Variants in DDTL observed in about 807,000 individuals in gnomAD.
The protein encoded by DDTL is putative D-dopachrome decarboxylase-like protein.
DDTL carries 1 observed loss-of-function variant against 1.1 expected under a neutral mutation model. The observed-to-expected ratio is 0.91, with a 90% confidence interval of 0.32 to 4.31. DDTL has a LOEUF of 4.31. Ranked by LOEUF, DDTL falls within the 30% of genes most tolerant of loss-of-function variation. The pLI is 0.17. For synonymous variants in DDTL, 21 were observed against 16.6 expected (o/e 1.26, Z -0.64); for missense variants, 54 against 48.9 (o/e 1.10, Z -0.31).
rs1226689378 is a variant in DDTL, at chr22:23,971,907, G to C, written c.*501G>C. The stretch of plus-strand genomic sequence containing the variant: ...TACACTCTATCATCTCCATCAGTTT[G>C]TGTACTGAGGGGTACCCTGCCTCCT... On this transcript the variant is annotated 3_prime_UTR_variant, in exon 3 of 3. Transcript: ENST00000215770. 4 of 352,886 alleles carry C rather than the reference G, an allele frequency of 1.1e-5. No individual in the cohort carries two copies. The highest frequency in any genetic ancestry group is 2.0e-5 in the Non-Finnish European group (4 of 196,454). 21.9% of individuals were successfully genotyped at this position (352,886 alleles called of 1,614,324 possible).
At chr22:23,971,212 G>C (rs1418662062) in intron 2 of DDTL, 74 bp from the exon 3 acceptor site, 1 of 1,528,942 alleles carries the variant, frequency 6.5e-7, no homozygotes, top group African/African-American at 1.4e-5. Context: ...GCCTGCAGAT[G>C]GGTGTGGAGA....
Position 23,971,729 on chromosome 22 carries a change from C to T in DDTL, c.*323C>T, listed in dbSNP as rs766322931. Reference sequence around the variant, plus strand: ...TGTGGGTACTCAGGACAGCCTGCCTCAGTCCACCAGGCATTTTGCAAACCT... The same window carrying T: ...TGTGGGTACTCAGGACAGCCTGCCTTAGTCCACCAGGCATTTTGCAAACCT... On this transcript the variant is annotated 3_prime_UTR_variant, in exon 3 of 3. Coordinates refer to ENST00000215770, the MANE Select transcript of DDTL (RefSeq NM_001084393.2). 5 of 1,004,200 alleles carry T rather than the reference C, an allele frequency of 5.0e-6. No homozygotes were observed. The highest frequency in any genetic ancestry group is 7.3e-6 in the Non-Finnish European group (5 of 682,086). The allele number at this position is 1,004,200 out of a possible 1,614,324, so 62.2% of individuals were successfully genotyped here.
At position 23,970,273 on chromosome 22, in the gene DDTL, G is replaced by GTGTA. The variant is rs2033875506; in HGVS notation, c.285-1013_285-1012insTGTA. ...GTGCGAATGTCAGTGAACTGTGTGT[G>GTGTA]AGTGAATTGTGTGTTTATGTGTGGG... On this transcript the variant is annotated intron_variant, in intron 2 of 2. Coordinates refer to ENST00000215770, the MANE Select transcript of DDTL (RefSeq NM_001084393.2). 2.6e-5 allele frequency among the ~76,000 whole-genome samples: 4 copies of GTGTA among 152,282 alleles called. No individual in the cohort carries two copies. In the South Asian group the frequency reaches 8.3e-4, roughly 32 times the overall value.
intron 2 of DDTL, chr22:23,969,445 AC>A: frequency 1.0e-6 from 1 of 986,492 alleles, no homozygotes; most frequent in Non-Finnish European, 1.2e-6. Flanking sequence ...TGCAGCACAC[AC>A]GATGAGGCTA....
chr22:23,971,178 C>A (rs970564282), intron 2 of DDTL, 108 bp from the exon 3 acceptor site: 2 of 1,490,078 alleles, frequency 1.3e-6, no homozygotes, highest in Non-Finnish European at 1.8e-6. Context: ...CCCAGCTGGA[C>A]CAGCTGCTCA....
chr22:23,971,642 A>T lies in DDTL; in HGVS notation c.*236A>T, dbSNP rs1373610508. The T allele has an allele frequency of 2.4e-5, 39 of 1,600,674 alleles. No individual in the cohort carries two copies. The highest frequency in any genetic ancestry group is 3.3e-5 in the Non-Finnish European group (38 of 1,168,600). ...AAGTATCCTTCAGGAGACAGAGAAAAAGATATCATCAGCTCCTTGGCTAAT... is the reference window on the plus strand; with the variant it reads ...AAGTATCCTTCAGGAGACAGAGAAATAGATATCATCAGCTCCTTGGCTAAT... On this transcript the variant is annotated 3_prime_UTR_variant, in exon 3 of 3. Transcript: ENST00000215770.
At chr22:23,969,372 A>C (rs2033858624) in intron 2 of DDTL, 1 of 985,016 alleles carries the variant, frequency 1.0e-6, no homozygotes, top group African/African-American at 1.8e-5. Context: ...GTCCTTAGGG[A>C]GTCTGCAATT....
At position 23,971,889 on chromosome 22, in the gene DDTL, TATC is replaced by T. The variant is rs2033912392; in HGVS notation, c.*487_*489del. ...GCCTCGGTGTGTGTGCCGTACACTC[TATC>T]ATCTCCATCAGTTTGTGTACTGAGG... On this transcript the variant is annotated 3_prime_UTR_variant, in exon 3 of 3. Transcript: ENST00000215770. 1 of 427,332 alleles carries T rather than the reference TATC, an allele frequency of 2.3e-6. No homozygotes were observed. Among genetic ancestry groups the T allele is most frequent in the Non-Finnish European group, 4.2e-6 (1 of 240,768 alleles). The allele number at this position is 427,332 out of a possible 1,614,324, so 26.5% of individuals were successfully genotyped here.
At position 23,971,600 on chromosome 22, in the gene DDTL, A is replaced by G; in HGVS notation, c.*194A>G. On this transcript the variant is annotated 3_prime_UTR_variant, in exon 3 of 3. Transcript: ENST00000215770. The stretch of plus-strand genomic sequence containing the variant: ...TATCTTGCCAATCTGCCAGGACTCC[A>G]AGGGGAAAAAGCGGATAAGTATCCT... The G allele has an allele frequency of 6.2e-7, 1 of 1,614,186 alleles. No homozygotes were observed. Among genetic ancestry groups the G allele is most frequent in the African/African-American group, 1.3e-5 (1 of 75,054 alleles).
In DDTL at chr22:23,972,141, C is replaced by T. The variant is rs990528895; in HGVS notation, c.*735C>T. ...GCGGGCGGGAGTATGAACAGCCTGT[C>T]TTCTCATCATAAAATTGGCATAATG... On this transcript the variant is annotated 3_prime_UTR_variant, in exon 3 of 3. Transcript: ENST00000215770. 1 of 981,846 alleles carries T rather than the reference C, an allele frequency of 1.0e-6. No homozygotes were observed. The highest frequency in any genetic ancestry group is 1.2e-6 in the Non-Finnish European group (1 of 826,692). The allele number at this position is 981,846 out of a possible 1,614,324, so 60.8% of individuals were successfully genotyped here.
At position 23,969,358 on chromosome 22, in the gene DDTL, C is replaced by T. The variant is rs568316801; in HGVS notation, c.284+1797C>T. Reference sequence around the variant, plus strand: ...TTTGAGAAAACAGGTGTCTGAGGTACTGTGTCCTTAGGGAGTCTGCAATTA... The same window carrying T: ...TTTGAGAAAACAGGTGTCTGAGGTATTGTGTCCTTAGGGAGTCTGCAATTA... On this transcript the variant is annotated intron_variant, in intron 2 of 2. Transcript: ENST00000215770. The T allele has an allele frequency of 4.1e-6, 4 of 985,498 alleles. No individual in the cohort carries two copies. The East Asian group carries it at 3.4e-4, about 83-fold the overall frequency. The allele number at this position is 985,498 out of a possible 1,614,324, so 61.0% of individuals were successfully genotyped here. A position where few individuals can be genotyped will look rare whatever the true frequency, so the allele number is the denominator to read the frequency against.
At position 23,972,054 on chromosome 22, in the gene DDTL, C is replaced by G. The variant is rs1274476750; in HGVS notation, c.*648C>G. 2 of 519,282 alleles carry G rather than the reference C, an allele frequency of 3.9e-6. No individual in the cohort carries two copies. Among genetic ancestry groups the G allele is most frequent in the Non-Finnish European group, 2.5e-6 (1 of 403,410 alleles). 32.2% of individuals were successfully genotyped at this position (519,282 alleles called of 1,614,324 possible). A position where few individuals can be genotyped will look rare whatever the true frequency, so the allele number is the denominator to read the frequency against. On this transcript the variant is annotated 3_prime_UTR_variant, in exon 3 of 3. Transcript: ENST00000215770. ...GTCTGGGCCATAAGTGAACATGCCC[C>G]TCTCAGAGGTAACAGCAAGTTTCCA...
Position 23,972,434 on chromosome 22 carries a change from T to A in DDTL, c.*1028T>A, listed in dbSNP as rs990993188. 3 of 143,078 alleles carry A rather than the reference T, an allele frequency of 2.1e-5. No homozygotes were observed. Among genetic ancestry groups the A allele is most frequent in the African/African-American group, 7.8e-5 (3 of 38,284 alleles). 8.9% of individuals were successfully genotyped at this position (143,078 alleles called of 1,614,324 possible). ...AATATTTGCATGTAACCTACACACA[T>A]CCTCTCATATACTTTAAATAATCTC... On this transcript the variant is annotated 3_prime_UTR_variant, in exon 3 of 3. Coordinates refer to ENST00000215770, the MANE Select transcript of DDTL (RefSeq NM_001084393.2).
intron 2 of DDTL, among the ~76,000 whole-genome samples, chr22:23,970,721 T>C (rs1213524726): frequency 6.6e-6 from 1 of 152,128 alleles, no homozygotes; most frequent in Non-Finnish European, 1.5e-5. Context: ...GCATGGTGTG[T>C]CCATGAGTGT....
chr22:23,969,907 G>T, intron 2 of DDTL: 1 of 977,542 alleles, frequency 1.0e-6, no homozygotes, highest in Non-Finnish European at 1.2e-6. Context: ...TGCTGTGTAG[G>T]TGGCAGTAAG....
chr22:23,971,149 C>T, intron 2 of DDTL, 137 bp from the exon 3 acceptor site: 1 of 1,311,314 alleles, frequency 7.6e-7, no homozygotes, highest in Non-Finnish European at 1.0e-6. Flanking sequence ...AGCCTCAGGT[C>T]AGCAGTCTGC....
chr22:23,969,425 T>C (rs959943462), intron 2 of DDTL: 22 of 985,838 alleles, frequency 2.2e-5, no homozygotes, highest in Non-Finnish European at 2.5e-5. Flanking sequence ...CTGACAGAGA[T>C]GATGGAGTGT....
chr22:23,972,032 TG>T lies in DDTL; in HGVS notation c.*629del. ...CCCCACCAACCCCGCCACTAATGTCTGGGCCATAAGTGAACATGCCCCTCTC... is the reference window on the plus strand; with the variant it reads ...CCCCACCAACCCCGCCACTAATGTCTGGCCATAAGTGAACATGCCCCTCTC... On this transcript the variant is annotated 3_prime_UTR_variant, in exon 3 of 3. Transcript: ENST00000215770. 1 of 370,980 alleles carries T rather than the reference TG, an allele frequency of 2.7e-6. No individual in the cohort carries two copies. Among genetic ancestry groups the T allele is most frequent in the Non-Finnish European group, 3.8e-6 (1 of 265,960 alleles). The allele number at this position is 370,980 out of a possible 1,614,324, so 23.0% of individuals were successfully genotyped here.
chr22:23,969,660 A>G (rs1423166262), intron 2 of DDTL: 1 of 982,266 alleles, frequency 1.0e-6, no homozygotes. Context: ...ATCTCTACAA[A>G]GTCATACAAT....
Sources: allele counts gnomAD v4.1 joint callset (sites outside exome capture counted in the v4.1 genomes callset), GRCh38; gene constraint gnomAD v4.1.1; transcripts MANE v1.5; gene names NCBI Gene and HGNC (gene_info 2026-07-23, HGNC 2026-07-21).